DTNA: variants seen among roughly 807,000 people sequenced by gnomAD.
DTNA encodes dystrophin-related protein 3.
In DTNA, 43 loss-of-function variants were observed where a neutral mutation model predicts 100.7. The ratio of observed to expected loss-of-function variants is 0.43; its 90% CI spans 0.33 to 0.55. DTNA has a LOEUF of 0.55. Ranked by LOEUF, DTNA falls within the 20% of genes least tolerant of loss-of-function variation. DTNA has a pLI of 0.04. For missense variants in DTNA, 798 were observed against 953.9 expected (o/e 0.84, Z 2.15); for synonymous variants, 349 against 347.9 (o/e 1.00, Z -0.04).
chr18:34,875,507 C>G, intron 18 of DTNA, 109 bp downstream of exon 18: 1 of 1,501,624 alleles, frequency 6.7e-7, no homozygotes, highest in Non-Finnish European at 9.2e-7. Context: ...ATTGTAGGGT[C>G]TTTCATGGCT....
chr18:34,576,847 G>GC (rs984331274), intron 1 of DTNA, among the ~76,000 whole-genome samples: 1 of 152,128 alleles, frequency 6.6e-6, no homozygotes, highest in Non-Finnish European at 1.5e-5. Context: ...GGGACAAACA[G>GC]CCCATGTCTT....
At position 34,608,357 on chromosome 18, in the gene DTNA, A is replaced by G. The variant is rs115730154; in HGVS notation, c.-2+114843A>G. Among the ~76,000 whole-genome samples the G allele has an allele frequency of 3.6e-3, 554 of 152,310 alleles. 2 individuals are homozygous for G. The highest frequency in any genetic ancestry group is 0.012 in the African/African-American group (512 of 41,568). On this transcript the variant is annotated intron_variant, in intron 1 of 19. Coordinates refer to the DTNA transcript ENST00000283365. ...TTTAAATTAGCAGTGCTAAAAATAA[A>G]AGACATATCCTTTATTCAAATAAAC...
chr18:34,642,047 C>A (rs181880777), intron 1 of DTNA, among the ~76,000 whole-genome samples: 1 of 152,276 alleles, frequency 6.6e-6, no homozygotes, highest in Admixed American at 6.5e-5. Context: ...TACTTTATAG[C>A]TGCCTTTCAA....
chr18:34,633,432 T>C (rs935440387), intron 1 of DTNA, among the ~76,000 whole-genome samples: 1 of 151,932 alleles, frequency 6.6e-6, no homozygotes, highest in Non-Finnish European at 1.5e-5. Context: ...TGAAGGGAAA[T>C]ATAAAGATCT....
intron 9 of DTNA, chr18:34,821,118 G>A (rs751357557): frequency 5.5e-6 from 4 of 729,704 alleles, no homozygotes; most frequent in Non-Finnish European, 4.8e-6. Flanking sequence ...AGTAAAGTAT[G>A]CAACACTAAC....
chr18:34,750,440 A>T (rs917105016), intron 1 of DTNA, among the ~76,000 whole-genome samples: 2 of 152,180 alleles, frequency 1.3e-5, no homozygotes, highest in African/African-American at 4.8e-5. Flanking sequence ...TGGCCTGTTA[A>T]TCGCCAAGTC....
At chr18:34,757,472 T>C (rs1397306711) in intron 2 of DTNA, among the ~76,000 whole-genome samples, 1 of 152,268 alleles carries the variant, frequency 6.6e-6, no homozygotes, top group African/African-American at 2.4e-5. Context: ...GGGAAAAATA[T>C]TTGAACTTAT....
intron 13 of DTNA, among the ~76,000 whole-genome samples, chr18:34,844,036 A>G (rs1476730396): frequency 6.6e-6 from 1 of 152,130 alleles, no homozygotes; most frequent in African/African-American, 2.4e-5. Context: ...TCAATTATAG[A>G]ACTGGACTTC....
At chr18:34,633,057 C>T (rs142807239) in intron 1 of DTNA, among the ~76,000 whole-genome samples, 55 of 152,224 alleles carry the variant, frequency 3.6e-4, no homozygotes, top group African/African-American at 1.3e-3. Context: ...CATTCCAGAG[C>T]CATATTTGAT....
chr18:34,581,272 CAAA>C (rs780426700), intron 1 of DTNA, among the ~76,000 whole-genome samples: 81 of 139,546 alleles, frequency 5.8e-4, no homozygotes, highest in African/African-American at 2.1e-3. Flanking sequence ...CAAAACAAAA[CAAA>C]AAAACAAAAC....
chr18:34,593,640 G>A (rs778112821), intron 1 of DTNA: 2 of 152,156 alleles, frequency 1.3e-5, no homozygotes, highest in Non-Finnish European at 1.5e-5. Context: ...AGATTTTTCA[G>A]TGTTGTAGCT....
intron 1 of DTNA, among the ~76,000 whole-genome samples, chr18:34,581,677 G>A (rs1414555061): frequency 6.8e-6 from 1 of 147,418 alleles, no homozygotes. Flanking sequence ...CTGGCGTGCA[G>A]TGGCATGATC....
intron 1 of DTNA, among the ~76,000 whole-genome samples, chr18:34,741,302 C>T (rs2147750603): frequency 6.6e-6 from 1 of 151,602 alleles, no homozygotes; most frequent in African/African-American, 2.4e-5. Context: ...GCAGGGTATC[C>T]TCCCATTCAG....
intron 1 of DTNA, among the ~76,000 whole-genome samples, chr18:34,496,995 A>G (rs2039313537): frequency 6.6e-6 from 1 of 152,226 alleles, no homozygotes; most frequent in Non-Finnish European, 1.5e-5. Context: ...GGAGGTTTAC[A>G]AAACTATCAG....
At chr18:34,727,947 GA>G in intron 1 of DTNA, among the ~76,000 whole-genome samples, 1 of 152,060 alleles carries the variant, frequency 6.6e-6, no homozygotes, top group African/African-American at 2.4e-5. Context: ...CTAATATTAA[GA>G]GGGAGGGGGG....
intron 4 of DTNA, among the ~76,000 whole-genome samples, chr18:34,794,674 G>A (rs1456179284): frequency 6.6e-6 from 1 of 152,186 alleles, no homozygotes; most frequent in African/African-American, 2.4e-5. Context: ...GAAAGAAATT[G>A]AAAAGGGTTT....
intron 19 of DTNA, among the ~76,000 whole-genome samples, chr18:34,878,799 T>C (rs915594415): frequency 1.3e-5 from 2 of 152,216 alleles, no homozygotes; most frequent in African/African-American, 4.8e-5. Context: ...CAGTCACTAA[T>C]ACATCTCCAT....
intron 1 of DTNA, among the ~76,000 whole-genome samples, chr18:34,741,332 AT>A (rs5823952): frequency 0.13 from 19,319 of 152,130 alleles, 1,355 homozygotes; most frequent in African/African-American, 0.2. Flanking sequence ...GATATGTGGT[AT>A]TGGGGTTACA....
chr18:34,664,028 A>T (rs560165824), intron 1 of DTNA, among the ~76,000 whole-genome samples: 1 of 152,250 alleles, frequency 6.6e-6, no homozygotes, highest in African/African-American at 2.4e-5. Context: ...CAGATTCCAC[A>T]TTCCATTTTT....
Sources: allele counts gnomAD v4.1 joint callset (sites outside exome capture counted in the v4.1 genomes callset), GRCh38; gene constraint gnomAD v4.1.1; transcripts MANE v1.5; gene names NCBI Gene and HGNC (gene_info 2026-07-23, HGNC 2026-07-21).